FARS2: variants seen among roughly 807,000 people sequenced by gnomAD.
FARS2 encodes phenylalanyl-tRNA synthetase 2, mitochondrial, also known as phenylalanine--tRNA ligase, mitochondrial.
In FARS2, 40 loss-of-function variants were observed where a neutral mutation model predicts 46.4. The observed-to-expected ratio is 0.86, with a 90% CI of 0.67 to 1.12. FARS2 has a LOEUF of 1.12. Ranked by LOEUF, FARS2 falls within the 50% of genes most tolerant of loss-of-function variation. FARS2 has a pLI of 0.00. For missense variants in FARS2, 513 were observed against 567.9 expected, an observed-to-expected ratio of 0.90 and a Z score of 0.98; for synonymous variants, 234 against 214.9, an observed-to-expected ratio of 1.09 and a Z score of -0.78.
At chr6:5,515,369 G>T (rs186129301) in intron 4 of FARS2, among the ~76,000 whole-genome samples, 1 of 152,068 alleles carries the variant, frequency 6.6e-6, no homozygotes, top group Non-Finnish European at 1.5e-5. Flanking sequence ...ATTTCATGGG[G>T]ATATTGCCAT....
the FARS2 span, among the ~76,000 whole-genome samples, chr6:5,250,190 A>G: frequency 6.6e-6 from 1 of 151,878 alleles, no homozygotes; most frequent in Non-Finnish European, 1.5e-5. Flanking sequence ...TATAACAAGT[A>G]TTTTATTTTA....
intron 2 of FARS2, among the ~76,000 whole-genome samples, chr6:5,402,450 T>G (rs1220816970): frequency 3.3e-5 from 5 of 152,066 alleles, no homozygotes; most frequent in Non-Finnish European, 7.4e-5. Flanking sequence ...GAATTGACTT[T>G]CTGATTTTTG....
intron 4 of FARS2, among the ~76,000 whole-genome samples, chr6:5,497,068 A>T (rs1767515131): frequency 6.6e-6 from 1 of 152,190 alleles, no homozygotes; most frequent in African/African-American, 2.4e-5. Flanking sequence ...AGCATTCAAT[A>T]TAAAAGTAAG....
At chr6:5,681,944 G>A (rs974412688) in intron 6 of FARS2, among the ~76,000 whole-genome samples, 5 of 152,216 alleles carry the variant, frequency 3.3e-5, no homozygotes, top group African/African-American at 1.2e-4. Context: ...ATAAACTAAC[G>A]TGGTAAAGAG....
rs180774612 is a variant in FARS2 at position 5,686,435 on chromosome 6, G to A, written c.1217+73115G>A. ...TTCTCATTGTTCAATTCCCACCTAT[G>A]AGTGAGAACATGTGGTGTTCGGTTT... is the stretch of plus-strand genomic sequence containing the variant. On this transcript the variant is annotated intron_variant, in intron 6 of 6. Coordinates refer to ENST00000274680, the MANE Select transcript of FARS2 (RefSeq NM_006567.5). 6.2e-3 allele frequency among the ~76,000 whole-genome samples: 940 copies of A among 151,664 alleles called. 8 individuals are homozygous for A. Among genetic ancestry groups the A allele is most frequent in the African/African-American group, 0.021 (865 of 41,152 alleles).
At chr6:5,450,379 G>GTGGGC (rs1764416864) in intron 4 of FARS2, among the ~76,000 whole-genome samples, 1 of 151,918 alleles carries the variant, frequency 6.6e-6, no homozygotes, top group Non-Finnish European at 1.5e-5. Context: ...GAAGCGTGAT[G>GTGGGC]TGGGCTGCAG....
chr6:5,298,212 G>T (rs539351289), intron 1 of FARS2, among the ~76,000 whole-genome samples: 6 of 152,338 alleles, frequency 3.9e-5, no homozygotes, highest in Admixed American at 3.3e-4. Context: ...CTGGGCCTGT[G>T]TGTCACTTCA....
chr6:5,624,931 C>T (rs1396552475), intron 6 of FARS2, among the ~76,000 whole-genome samples: 1 of 151,950 alleles, frequency 6.6e-6, no homozygotes, highest in African/African-American at 2.4e-5. Flanking sequence ...CTGGCTACCA[C>T]CCAAATTCGA....
chr6:5,250,451 C>T, the FARS2 span, among the ~76,000 whole-genome samples: 5 of 152,256 alleles, frequency 3.3e-5, no homozygotes, highest in South Asian at 6.2e-4. Context: ...ATTTTCTACT[C>T]TAAGTTAACC....
intron 5 of FARS2, among the ~76,000 whole-genome samples, chr6:5,573,533 T>TG (rs1395030999): frequency 6.6e-6 from 1 of 152,218 alleles, no homozygotes; most frequent in Non-Finnish European, 1.5e-5. Flanking sequence ...TTAGAGCTAG[T>TG]GCGGGTGAAC....
chr6:5,301,537 C>T (rs995479817), intron 1 of FARS2, among the ~76,000 whole-genome samples: 1 of 152,094 alleles, frequency 6.6e-6, no homozygotes, highest in Non-Finnish European at 1.5e-5. Flanking sequence ...GTTCTGCCAG[C>T]CCCATTCTTA....
chr6:5,627,678 A>G (rs1049017103), intron 6 of FARS2, among the ~76,000 whole-genome samples: 4 of 152,192 alleles, frequency 2.6e-5, no homozygotes, highest in Admixed American at 2.0e-4. Context: ...TTAGCTTTCT[A>G]CTATATTTGG....
At chr6:5,625,234 C>T (rs1419411887) in intron 6 of FARS2, among the ~76,000 whole-genome samples, 4 of 152,160 alleles carry the variant, frequency 2.6e-5, no homozygotes, top group South Asian at 2.1e-4. Flanking sequence ...ACTGGAGTCA[C>T]GCTTCACCAG....
chr6:5,552,090 A>G (rs1001424620), intron 5 of FARS2, among the ~76,000 whole-genome samples: 14 of 152,190 alleles, frequency 9.2e-5, no homozygotes, highest in African/African-American at 3.4e-4. Context: ...GTCATGACAG[A>G]TTGCTTGCCT....
At chr6:5,440,956 C>G (rs1433534987) in intron 4 of FARS2, among the ~76,000 whole-genome samples, 1 of 147,406 alleles carries the variant, frequency 6.8e-6, no homozygotes, top group South Asian at 2.1e-4. Flanking sequence ...GAGTCTCTCT[C>G]TGTTGCCCAG....
At chr6:5,522,539 A>G (rs1769207139) in intron 4 of FARS2, among the ~76,000 whole-genome samples, 1 of 152,264 alleles carries the variant, frequency 6.6e-6, no homozygotes, top group African/African-American at 2.4e-5. Context: ...TTGTTATAGA[A>G]GTTTCATGTG....
At chr6:5,609,903 A>T (rs1408786945) in intron 5 of FARS2, 20 of 1,037,622 alleles carry the variant, frequency 1.9e-5, no homozygotes. Flanking sequence ...TTAAGTGGGC[A>T]TCTGGTGTTT....
chr6:5,639,259 C>T (rs1385899564), intron 6 of FARS2, among the ~76,000 whole-genome samples: 2 of 152,226 alleles, frequency 1.3e-5, no homozygotes, highest in East Asian at 3.8e-4. Context: ...ACATGTGTTT[C>T]TTCAGCCTTT....
intron 2 of FARS2, among the ~76,000 whole-genome samples, chr6:5,379,541 C>T (rs758506843): frequency 8.5e-5 from 13 of 152,172 alleles, no homozygotes; most frequent in East Asian, 1.9e-4. Flanking sequence ...GAGCCCCTTC[C>T]TCCTTCCCGC....
Sources: allele counts gnomAD v4.1 joint callset (sites outside exome capture counted in the v4.1 genomes callset), GRCh38; gene constraint gnomAD v4.1.1; transcripts MANE v1.5; gene names NCBI Gene and HGNC (gene_info 2026-07-23, HGNC 2026-07-21).